The following FAM53B variants were observed in gnomAD, a reference collection of about 807,000 sequenced individuals.
The protein encoded by FAM53B is protein FAM53B.
FAM53B carries 12 observed loss-of-function variants against 32.7 expected under a neutral mutation model. The ratio of observed to expected loss-of-function variants is 0.37; its 90% CI spans 0.24 to 0.59. The LOEUF (loss-of-function observed/expected upper bound fraction) is 0.59, where lower values mean the gene tolerates loss of function less well. FAM53B is among the 20% of genes least tolerant of loss of function. The pLI is 0.72. For missense variants in FAM53B, 477 were observed against 577.7 expected, an observed-to-expected ratio of 0.83 and a Z score of 1.79; for synonymous variants, 234 against 228.7, an observed-to-expected ratio of 1.02 and a Z score of -0.21.
At chr10:124,697,836 G>A (rs1278357381) in intron 2 of FAM53B, among the ~76,000 whole-genome samples, 1 of 152,120 alleles carries the variant, frequency 6.6e-6, no homozygotes, top group Non-Finnish European at 1.5e-5. Flanking sequence ...TCACCCTCCT[G>A]GATTCCACAG....
chr10:124,731,531 A>C (rs1374585281), intron 1 of FAM53B, among the ~76,000 whole-genome samples: 1 of 152,012 alleles, frequency 6.6e-6, no homozygotes, highest in East Asian at 1.9e-4. Flanking sequence ...TTGTACTATA[A>C]GAGGCTCCAT....
chr10:124,640,184 G>A (rs962053041), intron 4 of FAM53B, among the ~76,000 whole-genome samples: 8 of 152,236 alleles, frequency 5.3e-5, no homozygotes, highest in Admixed American at 1.3e-4. Context: ...GAGCCCTGAC[G>A]GCTGCACCTT....
At position 124,733,411 on chromosome 10, in the gene FAM53B, T is replaced by C. The variant is rs1268609640; in HGVS notation, c.-175+10602A>G. 3.3e-5 allele frequency among the ~76,000 whole-genome samples: 5 copies of C among 152,132 alleles called. No individual in the cohort carries two copies. ...ATTCTCGAGTGTCTGTGTCAGCAGC[T>C]TCCCCCTGCCTTTGAGAACACTAGT... On this transcript the variant is annotated intron_variant, in intron 1 of 4. Coordinates refer to ENST00000337318, the MANE Select transcript of FAM53B (RefSeq NM_014661.4). This position sits in a 1 kb window ranked among gnomAD's most constrained non-coding sequence, Gnocchi z 4.3.
chr10:124,726,760 T>C (rs1479267530), intron 1 of FAM53B, among the ~76,000 whole-genome samples: 1 of 152,188 alleles, frequency 6.6e-6, no homozygotes, highest in Non-Finnish European at 1.5e-5. Flanking sequence ...AGAGAACACC[T>C]CAATTCTTTG....
In FAM53B at chr10:124,651,120, C is replaced by G. The variant is rs927977826; in HGVS notation, c.907-27516G>C. Among the ~76,000 whole-genome samples the G allele has an allele frequency of 1.3e-5, 2 of 152,228 alleles. No individual in the cohort carries two copies. The highest frequency in any genetic ancestry group is 4.8e-5 in the African/African-American group (2 of 41,462). On this transcript the variant is annotated intron_variant, in intron 4 of 4. Transcript: ENST00000337318. The surrounding 1 kb of genome is among the most constrained non-coding windows in gnomAD (Gnocchi z 5.2). Reference sequence around the variant, plus strand: ...TGGCAGCAAGGCAGGGCCAGCTGCACTCAGCACAGGGGCAAAGCCAAGCCT... The same window carrying G: ...TGGCAGCAAGGCAGGGCCAGCTGCAGTCAGCACAGGGGCAAAGCCAAGCCT...
At chr10:124,726,953 A>G (rs1950107811) in intron 1 of FAM53B, among the ~76,000 whole-genome samples, 1 of 152,224 alleles carries the variant, frequency 6.6e-6, no homozygotes, top group African/African-American at 2.4e-5. Context: ...TAAAAATTAC[A>G]TCTTTATTTG....
Position 124,737,962 on chromosome 10 carries a change from C to T in FAM53B, c.-175+6051G>A, listed in dbSNP as rs79835565. Among the ~76,000 whole-genome samples, 646 of 152,208 alleles carry T rather than the reference C, an allele frequency of 4.2e-3. 2 individuals carry two copies. Among genetic ancestry groups the T allele is most frequent in the African/African-American group, 0.015 (612 of 41,528 alleles). ...ACCACAGCCTGAGTAAAATCTGCCC[C>T]CTTCAATCTGGAAAGAAGGTGGTTC... On this transcript the variant is annotated intron_variant, in intron 1 of 4. Transcript: ENST00000337318.
At chr10:124,680,288 G>A (rs946366479) in intron 4 of FAM53B, among the ~76,000 whole-genome samples, 2 of 152,174 alleles carry the variant, frequency 1.3e-5, no homozygotes, top group African/African-American at 4.8e-5. Context: ...CACAGGGGAG[G>A]CACAAGCATA....
chr10:124,744,026 G>A lies in FAM53B; in HGVS notation c.-188C>T, dbSNP rs1466047027. 6.8e-6 allele frequency: 1 copy of A among 147,402 alleles called. No individual in the cohort carries two copies. The highest frequency in any genetic ancestry group is 6.7e-5 in the Admixed American group (1 of 14,862). The allele number at this position is 147,402 out of a possible 1,614,324, so 9.1% of individuals were successfully genotyped here. ...CGGGTCGCTTACTGTGCGCGGCGGGGCGCTCCGGGCGCGGACCCCGCGCCG... is the reference window on the plus strand; with the variant it reads ...CGGGTCGCTTACTGTGCGCGGCGGGACGCTCCGGGCGCGGACCCCGCGCCG... On this transcript the variant is annotated 5_prime_UTR_variant, in exon 1 of 5. Transcript: ENST00000337318.
chr10:124,707,005 G>A (rs1458833974), intron 1 of FAM53B, 118 bp from the exon 2 acceptor site: 1 of 921,410 alleles, frequency 1.1e-6, no homozygotes, highest in Non-Finnish European at 1.5e-6. Context: ...TCTGCTAAAG[G>A]AGATGCACTC....
Position 124,733,192 on chromosome 10 carries a change from C to G in FAM53B, c.-175+10821G>C, listed in dbSNP as rs560033843. On this transcript the variant is annotated intron_variant, in intron 1 of 4. Coordinates refer to ENST00000337318, the MANE Select transcript of FAM53B (RefSeq NM_014661.4). This position sits in a 1 kb window ranked among gnomAD's most constrained non-coding sequence, Gnocchi z 4.3. ...TACCAGCCTTGGAAAACACACCCCCCAAAGCTAAGATGGGCTGCTAACTGC... is the reference window on the plus strand; with the variant it reads ...TACCAGCCTTGGAAAACACACCCCCGAAAGCTAAGATGGGCTGCTAACTGC... Among the ~76,000 whole-genome samples, 1 of 152,300 alleles carries G rather than the reference C, an allele frequency of 6.6e-6. No individual in the cohort carries two copies. The highest frequency in any genetic ancestry group is 2.1e-4 in the South Asian group (1 of 4,826).
chr10:124,661,069 A>C (rs1331256623), intron 4 of FAM53B, among the ~76,000 whole-genome samples: 2 of 151,720 alleles, frequency 1.3e-5, no homozygotes, highest in African/African-American at 4.8e-5. Context: ...AAAAAAAAAA[A>C]AAAAAAAACA....
At chr10:124,701,580 G>A (rs1009218621) in intron 2 of FAM53B, among the ~76,000 whole-genome samples, 7 of 152,258 alleles carry the variant, frequency 4.6e-5, no homozygotes, top group Non-Finnish European at 7.3e-5. Flanking sequence ...GGGCGTGCGG[G>A]AAGGAGCTGA....
rs910909290 is a variant in FAM53B at position 124,622,296 on chromosome 10, C to G, written c.*946G>C. The G allele has an allele frequency of 3.3e-5, 5 of 152,330 alleles. No homozygotes were observed. Among genetic ancestry groups the G allele is most frequent in the African/African-American group, 9.6e-5 (4 of 41,452 alleles). The allele number at this position is 152,330 out of a possible 1,614,324, so 9.4% of individuals were successfully genotyped here. A position where few individuals can be genotyped will look rare whatever the true frequency, so the allele number is the denominator to read the frequency against. On this transcript the variant is annotated 3_prime_UTR_variant, in exon 5 of 5. Coordinates refer to ENST00000337318, the MANE Select transcript of FAM53B (RefSeq NM_014661.4). ...CCCTGAGTGCGCATAGGGCCCTCAT[C>G]TGCCCACCTGCTCGCAGCTCCCGTC...
In FAM53B at chr10:124,706,777, A is replaced by T. The variant is rs1419100937; in HGVS notation, c.-64T>A. The T allele has an allele frequency of 6.2e-7, 1 of 1,610,896 alleles. No homozygotes were observed. The highest frequency in any genetic ancestry group is 2.2e-5 in the East Asian group (1 of 44,806). On this transcript the variant is annotated 5_prime_UTR_variant, in exon 2 of 5. Transcript: ENST00000337318. ...GTATCAGCCATCTTCACTTGGGCAG[A>T]CTTGGGGTGAGTACCTCCTGGGGAA...
intron 2 of FAM53B, among the ~76,000 whole-genome samples, chr10:124,700,416 C>T (rs1949907478): frequency 6.6e-6 from 1 of 152,206 alleles, no homozygotes; most frequent in Non-Finnish European, 1.5e-5. Context: ...TCACAAGACA[C>T]TCAGTGTCTG....
intron 3 of FAM53B, among the ~76,000 whole-genome samples, chr10:124,694,583 C>T (rs1388020026): frequency 6.6e-6 from 1 of 152,202 alleles, no homozygotes; most frequent in Non-Finnish European, 1.5e-5. Context: ...ACAGCTAAAG[C>T]CTAGGCAGGG....
chr10:124,659,559 GACAGCCTCC>G (rs1277169855), intron 4 of FAM53B, among the ~76,000 whole-genome samples: 2 of 152,236 alleles, frequency 1.3e-5, no homozygotes, highest in Admixed American at 6.5e-5. Context: ...TCTGCCCTGG[GACAGCCTCC>G]ACTGCCTAAC....
chr10:124,690,166 G>A (rs749907656), intron 3 of FAM53B, among the ~76,000 whole-genome samples: 2 of 152,206 alleles, frequency 1.3e-5, no homozygotes, highest in South Asian at 4.1e-4. Context: ...AGCTTTTCAC[G>A]AAACTGTCAA....
Sources: gnomAD v4.1 joint callset for allele counts (sites outside exome capture counted in the v4.1 genomes callset) on GRCh38, gnomAD v4.1.1 for gene constraint, Gnocchi (gnomAD v3.1) non-coding constraint, MANE v1.5 for transcripts, NCBI Gene and HGNC (gene_info 2026-07-23, HGNC 2026-07-21) for gene names.